The following ANXA8 variants were observed in gnomAD, a reference collection of about 807,000 sequenced individuals.
ANXA8 encodes the protein VAC-beta.
In ANXA8, 9 loss-of-function variants were observed where a neutral mutation model predicts 26.8. The observed-to-expected ratio is 0.34, with a 90% CI of 0.20 to 0.59. The LOEUF (loss-of-function observed/expected upper bound fraction) is 0.59, where lower values mean the gene tolerates loss of function less well. Ranked by LOEUF, ANXA8 falls within the 20% of genes least tolerant of loss-of-function variation. The pLI is 0.84. For missense variants in ANXA8, 83 were observed against 238.5 expected (o/e 0.35, Z 4.29); for synonymous variants, 39 against 94.8 (o/e 0.41, Z 3.42).
At chr10:47,670,681 A>C in the ANXA8 span, among the ~76,000 whole-genome samples, 1 of 151,838 alleles carries the variant, frequency 6.6e-6, no homozygotes, top group Non-Finnish European at 1.5e-5. Flanking sequence ...ATGTCTGTTT[A>C]AGTCCTTTGC....
the ANXA8 span, among the ~76,000 whole-genome samples, chr10:47,729,727 G>T: frequency 6.8e-6 from 1 of 147,412 alleles, no homozygotes. Flanking sequence ...CCTGTTTCTT[G>T]TGTCAGGGGG....
At chr10:47,551,188 A>G in the ANXA8 span, among the ~76,000 whole-genome samples, 21 of 152,068 alleles carry the variant, frequency 1.4e-4, no homozygotes, top group East Asian at 2.5e-3. Flanking sequence ...ATCATAACAG[A>G]TAAGAGCAGA....
At chr10:47,558,090 TA>T in the ANXA8 span, among the ~76,000 whole-genome samples, 3 of 151,932 alleles carry the variant, frequency 2.0e-5, 1 homozygote, top group African/African-American at 7.3e-5. Flanking sequence ...TGCATTTCAC[TA>T]ATATTCTTTG....
the ANXA8 span, among the ~76,000 whole-genome samples, chr10:47,610,170 A>G: frequency 1.3e-4 from 19 of 147,454 alleles, 2 homozygotes; most frequent in African/African-American, 4.7e-4. Flanking sequence ...TGAGACCACT[A>G]TGACAAAAAA....
the ANXA8 span, among the ~76,000 whole-genome samples, chr10:47,743,245 C>CATAT: frequency 2.6e-3 from 247 of 94,626 alleles, 3 homozygotes; most frequent in Non-Finnish European, 3.8e-3. Context: ...CAACAGGCTT[C>CATAT]ATATATATAT....
the ANXA8 span, among the ~76,000 whole-genome samples, chr10:47,740,902 A>G: frequency 6.6e-6 from 1 of 151,274 alleles, no homozygotes; most frequent in South Asian, 2.1e-4. Context: ...GGATAGGTAT[A>G]TATTTAACTT....
the ANXA8 span, among the ~76,000 whole-genome samples, chr10:47,682,612 G>A: frequency 6.6e-6 from 1 of 151,528 alleles, no homozygotes; most frequent in Non-Finnish European, 1.5e-5. Flanking sequence ...TGGGACTACA[G>A]GCACATGCCA....
the ANXA8 span, chr10:47,691,078 C>T: frequency 5.6e-6 from 9 of 1,611,136 alleles, no homozygotes; most frequent in Non-Finnish European, 7.6e-6. Flanking sequence ...AGGAAATAAA[C>T]ATAAAATTCG....
the ANXA8 span, among the ~76,000 whole-genome samples, chr10:47,685,388 C>A: frequency 1.3e-5 from 2 of 148,858 alleles, no homozygotes; most frequent in East Asian, 4.0e-4. Context: ...CACAAAAAAA[C>A]CTTGTGTTTT....
chr10:47,953,214 A>G, the ANXA8 span, among the ~76,000 whole-genome samples: 1 of 148,344 alleles, frequency 6.7e-6, no homozygotes, highest in African/African-American at 2.5e-5. Context: ...TGGCAAAGTA[A>G]TGGTATGCAA....
At chr10:47,627,301 G>C in the ANXA8 span, among the ~76,000 whole-genome samples, 1 of 150,032 alleles carries the variant, frequency 6.7e-6, no homozygotes, top group Middle Eastern at 3.2e-3. Context: ...AATTTCTAGG[G>C]GAATGGCTAC....
the ANXA8 span, among the ~76,000 whole-genome samples, chr10:47,493,142 C>T: frequency 1.3e-5 from 2 of 151,200 alleles, no homozygotes; most frequent in South Asian, 2.1e-4. Context: ...AGGGGTGAAT[C>T]GGGGCTTCAA....
the ANXA8 span, among the ~76,000 whole-genome samples, chr10:47,900,804 C>T: frequency 6.8e-6 from 1 of 146,084 alleles, no homozygotes; most frequent in Non-Finnish European, 1.5e-5. Context: ...TAATCCCACA[C>T]AGGAAGAATA....
At chr10:47,633,563 C>T in the ANXA8 span, among the ~76,000 whole-genome samples, 1 of 106,714 alleles carries the variant, frequency 9.4e-6, no homozygotes, top group Non-Finnish European at 1.8e-5. Flanking sequence ...TCCTAACATT[C>T]TCCAACCAAA....
At chr10:47,472,109 GGAA>G (rs1437131400) in intron 10 of ANXA8, 21 bp downstream of exon 10, 15,354 of 124,968 alleles carry the variant, frequency 0.12, 2 homozygotes, top group African/African-American at 0.15. Flanking sequence ...GTGAGCGTCA[GGAA>G]GAAGAAGACA....
At chr10:47,475,130 A>G in intron 6 of ANXA8, 126 bp from the exon 7 acceptor site, 1 of 1,407,338 alleles carries the variant, frequency 7.1e-7, no homozygotes, top group Non-Finnish European at 9.8e-7. Context: ...AACTTCGACA[A>G]GCCAGTTATT....
chr10:47,469,374 C>T (rs1426146073), intron 11 of ANXA8, among the ~76,000 whole-genome samples: 7 of 151,804 alleles, frequency 4.6e-5, no homozygotes, highest in South Asian at 2.1e-4. Context: ...ACGGTGTGGC[C>T]GAGGCAAGCC....
rs1565821042 is a variant in ANXA8, at chr10:47,484,102, C to T, written c.-169G>A. 8.3e-6 allele frequency: 13 copies of T among 1,559,464 alleles called. No individual in the cohort carries two copies. Among genetic ancestry groups the T allele is most frequent in the East Asian group, 4.5e-5 (2 of 44,070 alleles). The stretch of plus-strand genomic sequence containing the variant: ...GCGCCACACCTGCCTGCCGTCCCCT[C>T]GCCCCCGGGCTCTGCCTGGCTTTGG... On this transcript the variant is annotated 5_prime_UTR_variant, in exon 1 of 12. Transcript: ENST00000585281.
the ANXA8 span, among the ~76,000 whole-genome samples, chr10:47,524,057 G>C: frequency 8.5e-5 from 13 of 152,178 alleles, no homozygotes; most frequent in African/African-American, 2.9e-4. Context: ...TTATGATGCT[G>C]CTGCTCTCCT....
Sources: gnomAD v4.1 joint callset for allele counts (sites outside exome capture counted in the v4.1 genomes callset) on GRCh38, gnomAD v4.1.1 for gene constraint, MANE v1.5 for transcripts, NCBI Gene and HGNC (gene_info 2026-07-23, HGNC 2026-07-21) for gene names.